Variants in MCPH1 observed in about 807,000 individuals in gnomAD.
MCPH1 encodes microcephalin 1, also known as microcephalin.
Under a neutral mutation model 84.5 loss-of-function variants are expected in MCPH1, and 104 were observed. That is an observed-to-expected ratio of 1.23 (90% CI 1.05 to 1.45). The LOEUF (loss-of-function observed/expected upper bound fraction) is 1.45. Ranked by LOEUF, MCPH1 falls within the 40% of genes most tolerant of loss-of-function variation. MCPH1 has a pLI of 0.00. For synonymous variants in MCPH1, 514 were observed against 366.8 expected, an observed-to-expected ratio of 1.40 and a Z score of -4.58; for missense variants, 1,498 against 1,005.7, an observed-to-expected ratio of 1.49 and a Z score of -6.62.
intron 12 of MCPH1, among the ~76,000 whole-genome samples, chr8:6,590,853 T>C (rs923048079): frequency 6.6e-6 from 1 of 152,204 alleles, no homozygotes; most frequent in African/African-American, 2.4e-5. Flanking sequence ...CTCGGGCCTT[T>C]GGACCTCAAG....
chr8:6,514,755 T>A (rs748924155), intron 12 of MCPH1: 3 of 1,613,956 alleles, frequency 1.9e-6, no homozygotes, highest in South Asian at 2.2e-5. Context: ...ACCCGCCTCC[T>A]CCAGCTTCCA....
intron 8 of MCPH1, chr8:6,445,773 T>A (rs1338312625): frequency 1.5e-5 from 20 of 1,331,260 alleles, no homozygotes; most frequent in African/African-American, 3.0e-5. Context: ...AGGAATCTAT[T>A]TCTCCAAGAC....
chr8:6,518,555 G>C (rs1190390644), intron 12 of MCPH1, among the ~76,000 whole-genome samples: 1 of 152,136 alleles, frequency 6.6e-6, no homozygotes, highest in Non-Finnish European at 1.5e-5. Flanking sequence ...TCATAATCAA[G>C]ATACATGTTA....
chr8:6,532,369 G>C, intron 12 of MCPH1: 3 of 1,613,988 alleles, frequency 1.9e-6, no homozygotes, highest in Non-Finnish European at 2.5e-6. Context: ...CGTTTGCTCC[G>C]CTGTTTGGTT....
intron 13 of MCPH1, chr8:6,642,580 T>C (rs764854893): frequency 4.7e-5 from 14 of 297,728 alleles, no homozygotes; most frequent in Non-Finnish European, 7.9e-5. Context: ...ACTGGTGTCA[T>C]AATTAAAACT....
chr8:6,423,342 T>C (rs1019995540), intron 3 of MCPH1, among the ~76,000 whole-genome samples: 1 of 147,188 alleles, frequency 6.8e-6, no homozygotes, highest in Non-Finnish European at 1.5e-5. Context: ...TTTTTTTGTA[T>C]TTTTAGTAGA....
intron 13 of MCPH1, among the ~76,000 whole-genome samples, chr8:6,640,438 A>C (rs1797869006): frequency 6.6e-6 from 1 of 152,196 alleles, no homozygotes; most frequent in African/African-American, 2.4e-5. Flanking sequence ...ATTAATTTCT[A>C]ATTGCCTGAT....
chr8:6,415,356 T>G (rs935247035), intron 3 of MCPH1, among the ~76,000 whole-genome samples: 2 of 150,424 alleles, frequency 1.3e-5, no homozygotes, highest in Non-Finnish European at 2.9e-5. Flanking sequence ...AGCTGGATCT[T>G]GGGTCACTGC....
chr8:6,522,509 C>A (rs992213503), intron 12 of MCPH1, among the ~76,000 whole-genome samples: 1 of 152,104 alleles, frequency 6.6e-6, no homozygotes, highest in Non-Finnish European at 1.5e-5. Flanking sequence ...CTCAGTGGCT[C>A]ACACCTATAA....
In MCPH1 at chr8:6,439,096, T is replaced by G. The variant is rs1337079581; in HGVS notation, c.580T>G (p.Ser194Ala). ...KEKRENLSPT[S>A]SQMIQQSHDN... ...GAAAAGGGAAAATCTTTCCCCCACC[T>G]GTAAGTAATTAGTTTGTAAAATGAA... is the stretch of plus-strand genomic sequence containing the variant. Residue 194 changes from serine to alanine, a missense_variant and splice_region_variant, in exon 6 of 14, where the codon TCT (serine) becomes GCT (alanine). Ser to Ala is a moderately conservative substitution (Grantham distance 99, BLOSUM62 1). Transcript: ENST00000344683. The G allele has an allele frequency of 1.2e-6, 2 of 1,612,538 alleles. No homozygotes were observed. The highest frequency in any genetic ancestry group is 1.3e-5 in the African/African-American group (1 of 75,022).
At chr8:6,562,249 C>G (rs1825649098) in intron 12 of MCPH1, among the ~76,000 whole-genome samples, 1 of 152,172 alleles carries the variant, frequency 6.6e-6, no homozygotes, top group Non-Finnish European at 1.5e-5. Context: ...TGCTGCGGCT[C>G]ACAGCCTTCC....
At chr8:6,571,256 G>T (rs1387156930) in intron 12 of MCPH1, among the ~76,000 whole-genome samples, 1 of 149,848 alleles carries the variant, frequency 6.7e-6, no homozygotes, top group Non-Finnish European at 1.5e-5. Flanking sequence ...CCTGTAGAAT[G>T]AAATGCTAAA....
At chr8:6,480,106 T>TTTTTTTC (rs1290129625) in intron 10 of MCPH1, among the ~76,000 whole-genome samples, 1 of 151,578 alleles carries the variant, frequency 6.6e-6, no homozygotes, top group Admixed American at 6.6e-5. Flanking sequence ...GCCTGGTTCC[T>TTTTTTTC]TTTTTTCTTT....
intron 6 of MCPH1, 40 bp downstream of exon 6, chr8:6,439,136 C>T (rs761465085): frequency 1.9e-6 from 3 of 1,586,110 alleles, no homozygotes; most frequent in Non-Finnish European, 2.6e-6. Flanking sequence ...ATGCAAATAG[C>T]CGATTCAATT....
At chr8:6,495,913 T>G (rs1355465836) in intron 11 of MCPH1, among the ~76,000 whole-genome samples, 1 of 152,206 alleles carries the variant, frequency 6.6e-6, no homozygotes, top group Non-Finnish European at 1.5e-5. Flanking sequence ...GATTTTTAAT[T>G]AATCAGTGAT....
chr8:6,641,579 A>T (rs1446585967), intron 13 of MCPH1, among the ~76,000 whole-genome samples: 2 of 152,176 alleles, frequency 1.3e-5, no homozygotes, highest in South Asian at 2.1e-4. Flanking sequence ...CATTGGCTCT[A>T]CAAAAAATCA....
chr8:6,625,155 G>C, intron 13 of MCPH1: 1 of 983,552 alleles, frequency 1.0e-6, no homozygotes, highest in Non-Finnish European at 1.2e-6. Flanking sequence ...GATTACAGGC[G>C]TGAGCCACCG....
chr8:6,446,920 G>T (rs1804472187), intron 8 of MCPH1: 1 of 985,382 alleles, frequency 1.0e-6, no homozygotes, highest in African/African-American at 1.7e-5. Context: ...GTAAGTAGAA[G>T]GGGGTGAGGG....
At chr8:6,503,971 A>G (rs1812718820) in intron 12 of MCPH1, among the ~76,000 whole-genome samples, 1 of 152,208 alleles carries the variant, frequency 6.6e-6, no homozygotes, top group Admixed American at 6.5e-5. Context: ...CTGCACTTTC[A>G]GATACCTGAA....
Sources: gnomAD v4.1 joint callset for allele counts (sites outside exome capture counted in the v4.1 genomes callset) on GRCh38, gnomAD v4.1.1 for gene constraint, MANE v1.5 for transcripts, NCBI Gene and HGNC (gene_info 2026-07-23, HGNC 2026-07-21) for gene names.